The following CDK8 variants were observed in gnomAD, a reference collection of about 807,000 sequenced individuals.
CDK8 encodes cyclin-dependent kinase 8.
In CDK8, 29 loss-of-function variants were observed where a neutral mutation model predicts 71.5. The ratio of observed to expected loss-of-function variants is 0.41; its 90% CI spans 0.30 to 0.55. The LOEUF is 0.55. Among genes scored for constraint, CDK8 ranks in the 20% least tolerant of loss-of-function variants. CDK8 has a pLI of 0.37. For synonymous variants in CDK8, 161 were observed against 192.1 expected (o/e 0.84, Z 1.34); for missense variants, 288 against 572.6 (o/e 0.50, Z 5.07).
chr13:26,370,175 A>C (rs773886886), intron 4 of CDK8, among the ~76,000 whole-genome samples: 9 of 152,244 alleles, frequency 5.9e-5, no homozygotes, highest in Non-Finnish European at 1.3e-4. Flanking sequence ...GGAAGAAAGC[A>C]TAACACTGAC....
chr13:26,339,322 C>T (rs1284109503), intron 2 of CDK8, among the ~76,000 whole-genome samples: 4 of 152,028 alleles, frequency 2.6e-5, no homozygotes, highest in Non-Finnish European at 5.9e-5. Context: ...TTCCCCCTCC[C>T]ATGTGAATGT....
chr13:26,338,799 T>C (rs1873100404), intron 2 of CDK8, among the ~76,000 whole-genome samples: 1 of 152,138 alleles, frequency 6.6e-6, no homozygotes, highest in African/African-American at 2.4e-5. Context: ...TCAGTGGTGT[T>C]AGAAGTCAGG....
chr13:26,382,919 T>A, intron 5 of CDK8, 48 bp downstream of exon 5: 1 of 1,267,194 alleles, frequency 7.9e-7, no homozygotes, highest in South Asian at 1.4e-5. Context: ...TTTTAAAACT[T>A]TTGCAGGCAG....
In CDK8 at chr13:26,378,909, T is replaced by C. The variant is rs114011990; in HGVS notation, c.457-3905T>C. ...GGCGAGTAGAATATTGTTTCAACAT[T>C]GCATTAAGTACTAAAACAAAAATTA... is the stretch of plus-strand genomic sequence containing the variant. On this transcript the variant is annotated intron_variant, in intron 4 of 12. Coordinates refer to ENST00000381527, the MANE Select transcript of CDK8 (RefSeq NM_001260.3). Among the ~76,000 whole-genome samples, 699 of 152,324 alleles carry C rather than the reference T, an allele frequency of 4.6e-3. 5 individuals are homozygous for C. Among genetic ancestry groups the C allele is most frequent in the African/African-American group, 0.016 (650 of 41,594 alleles).
intron 4 of CDK8, among the ~76,000 whole-genome samples, chr13:26,356,254 T>C (rs76051362): frequency 6.6e-6 from 1 of 152,192 alleles, no homozygotes; most frequent in Admixed American, 6.5e-5. Flanking sequence ...CACTATATGC[T>C]GGCAATTCTG....
In CDK8 at chr13:26,271,806, C is replaced by CTTTTTTTTTTTTTTTTTTTTTTTT. The variant is rs58160694; in HGVS notation, c.128+17050_128+17073dup. 4.8e-5 allele frequency among the ~76,000 whole-genome samples: 3 copies of CTTTTTTTTTTTTTTTTTTTTTTTT among 62,684 alleles called. 1 individual carries two copies. Among genetic ancestry groups the CTTTTTTTTTTTTTTTTTTTTTTTT allele is most frequent in the African/African-American group, 2.6e-4 (3 of 11,532 alleles). 41.1% of individuals were successfully genotyped at this position (62,684 alleles called of 152,430 possible). A position where few individuals can be genotyped will look rare whatever the true frequency, so the allele number is the denominator to read the frequency against. ...CCTGGGGGACAGAGTGAGACCCTGTCTTTTTTTTTTTTTTTTTTTTTTTTT... is the reference window on the plus strand; with the variant it reads ...CCTGGGGGACAGAGTGAGACCCTGTCTTTTTTTTTTTTTTTTTTTTTTTTTTTTTTTTTTTTTTTTTTTTTTTTT... On this transcript the variant is annotated intron_variant, in intron 1 of 12. Transcript: ENST00000381527.
intron 4 of CDK8, among the ~76,000 whole-genome samples, chr13:26,381,149 A>G (rs772997293): frequency 5.3e-5 from 8 of 152,204 alleles, no homozygotes; most frequent in Non-Finnish European, 8.8e-5. Flanking sequence ...CTGAAGAACC[A>G]TGAGAGGAGA....
At chr13:26,395,814 A>G (rs2138066860) in intron 7 of CDK8, among the ~76,000 whole-genome samples, 1 of 152,264 alleles carries the variant, frequency 6.6e-6, no homozygotes, top group East Asian at 1.9e-4. Flanking sequence ...AATATATTTA[A>G]CAAGGTGAAA....
intron 1 of CDK8, among the ~76,000 whole-genome samples, chr13:26,331,477 C>T (rs1875312070): frequency 6.6e-6 from 1 of 151,952 alleles, no homozygotes; most frequent in South Asian, 2.1e-4. Flanking sequence ...GGTTTTGTTG[C>T]CTGTGCTTTT....
chr13:26,286,882 C>A (rs1239423132), intron 1 of CDK8, among the ~76,000 whole-genome samples: 1 of 151,968 alleles, frequency 6.6e-6, no homozygotes, highest in African/African-American at 2.4e-5. Context: ...TACAAATGGC[C>A]AACAGACATA....
chr13:26,403,643 ACATCT>A (rs765856475), intron 12 of CDK8, among the ~76,000 whole-genome samples: 1 of 152,130 alleles, frequency 6.6e-6, no homozygotes, highest in Non-Finnish European at 1.5e-5. Flanking sequence ...TTCTGGGTAA[ACATCT>A]CAAGCAAATT....
At chr13:26,367,842 C>T (rs1054747205) in intron 4 of CDK8, among the ~76,000 whole-genome samples, 2 of 152,126 alleles carry the variant, frequency 1.3e-5, no homozygotes, top group African/African-American at 4.8e-5. Flanking sequence ...GAATAAAGCA[C>T]AATTGGCAAT....
intron 1 of CDK8, among the ~76,000 whole-genome samples, chr13:26,295,565 G>C (rs565106015): frequency 2.1e-4 from 32 of 152,264 alleles, no homozygotes; most frequent in African/African-American, 7.2e-4. Flanking sequence ...GAACTTTGTT[G>C]AATGAGTTAT....
chr13:26,392,725 A>C (rs1014471553), intron 6 of CDK8, among the ~76,000 whole-genome samples: 1 of 152,194 alleles, frequency 6.6e-6, no homozygotes, highest in African/African-American at 2.4e-5. Context: ...TATGGCATCA[A>C]GAACCACTTT....
At chr13:26,275,329 A>G (rs1471075433) in intron 1 of CDK8, among the ~76,000 whole-genome samples, 1 of 152,216 alleles carries the variant, frequency 6.6e-6, no homozygotes, top group East Asian at 1.9e-4. Flanking sequence ...ATTTGGGTTG[A>G]ATTGTATTAA....
intron 1 of CDK8, among the ~76,000 whole-genome samples, chr13:26,277,119 A>G (rs902761435): frequency 1.3e-5 from 2 of 152,320 alleles, no homozygotes; most frequent in African/African-American, 4.8e-5. Context: ...TGATGCAACT[A>G]TTATTTTTCC....
intron 1 of CDK8, among the ~76,000 whole-genome samples, chr13:26,266,012 G>A (rs1165206388): frequency 6.6e-6 from 1 of 152,018 alleles, no homozygotes; most frequent in Non-Finnish European, 1.5e-5. Context: ...GGGATGAGGA[G>A]GGAGAAATGA....
Position 26,254,525 on chromosome 13 carries a change from G to T in CDK8, c.-117G>T. ...GCCGCATCAGTCGGGCTGGTGCTGCGGCCGGCGGGCGTAGAGCGGGCGGGT... is the reference window on the plus strand; with the variant it reads ...GCCGCATCAGTCGGGCTGGTGCTGCTGCCGGCGGGCGTAGAGCGGGCGGGT... On this transcript the variant is annotated 5_prime_UTR_variant, in exon 1 of 13. Transcript: ENST00000381527. This position sits in a 1 kb window ranked among gnomAD's most constrained non-coding sequence, Gnocchi z 6.7. 1 of 797,054 alleles carries T rather than the reference G, an allele frequency of 1.3e-6. No individual in the cohort carries two copies. Among genetic ancestry groups the T allele is most frequent in the East Asian group, 2.9e-5 (1 of 34,498 alleles). 49.4% of individuals were successfully genotyped at this position (797,054 alleles called of 1,614,324 possible).
chr13:26,283,106 G>T (rs1348747103), intron 1 of CDK8, among the ~76,000 whole-genome samples: 1 of 152,212 alleles, frequency 6.6e-6, no homozygotes, highest in Non-Finnish European at 1.5e-5. Flanking sequence ...CACAATAATA[G>T]TGGGGGATTC....
Sources: allele counts gnomAD v4.1 joint callset (sites outside exome capture counted in the v4.1 genomes callset), GRCh38; gene constraint gnomAD v4.1.1; non-coding constraint Gnocchi (gnomAD v3.1); transcripts MANE v1.5; gene names NCBI Gene and HGNC (gene_info 2026-07-23, HGNC 2026-07-21).